The following LYPD8 variants were observed in gnomAD, a reference collection of about 807,000 sequenced individuals.
LYPD8 encodes LY6/PLAUR domain containing 8.
LYPD8 carries 8 observed loss-of-function variants against 1.7 expected under a neutral mutation model. The observed-to-expected ratio is 4.58, with a 90% CI of 2.69 to 8.27. The LOEUF (loss-of-function observed/expected upper bound fraction) is 8.27. Among genes scored for constraint, LYPD8 ranks in the 30% most tolerant of loss-of-function variants. LYPD8 has a pLI of 0.00. For missense variants in LYPD8, 112 were observed against 102.3 expected (o/e 1.09, Z -0.41); for synonymous variants, 50 against 43.6 (o/e 1.15, Z -0.58).
chr1:248,741,605 C>A (rs1452240186), intron 6 of LYPD8, among the ~76,000 whole-genome samples: 1 of 152,164 alleles, frequency 6.6e-6, no homozygotes, highest in African/African-American at 2.4e-5. Context: ...CAAAAATACC[C>A]CTACATTTAT....
chr1:248,748,506 G>A (rs1174444502), intron 4 of LYPD8, 53 bp from the exon 5 acceptor site: 3 of 399,944 alleles, frequency 7.5e-6, no homozygotes, highest in Non-Finnish European at 1.3e-5. Context: ...GAGGTGTGGG[G>A]AGGGTGGAGA....
intron 2 of LYPD8, among the ~76,000 whole-genome samples, chr1:248,754,135 C>T (rs994168302): frequency 1.3e-5 from 2 of 149,410 alleles, no homozygotes; most frequent in African/African-American, 4.9e-5. Context: ...CCACACCACA[C>T]ACACTTCACA....
At chr1:248,744,445 A>G (rs1553283943) in intron 6 of LYPD8, among the ~76,000 whole-genome samples, 1 of 152,288 alleles carries the variant, frequency 6.6e-6, no homozygotes, top group Non-Finnish European at 1.5e-5. Context: ...ATTAACCTTT[A>G]ACTGTTTGGG....
At position 248,754,279 on chromosome 1, in the gene LYPD8, C is replaced by T. The variant is rs1035274127; in HGVS notation, c.-50+960G>A. Among the ~76,000 whole-genome samples, 5 of 151,646 alleles carry T rather than the reference C, an allele frequency of 3.3e-5. No individual in the cohort carries two copies. The Middle Eastern group carries it at 0.01, about 314-fold the overall frequency. ...TAAGTCACACACATCACACACACAA[C>T]ACACCATGCGCTAAATACATCACAC... is the stretch of plus-strand genomic sequence containing the variant. On this transcript the variant is annotated intron_variant, in intron 2 of 6. Coordinates refer to ENST00000590317, the MANE Select transcript of LYPD8 (RefSeq NM_001085474.2).
chr1:248,739,596 T>G lies in LYPD8; in HGVS notation c.*15A>C. On this transcript the variant is annotated 3_prime_UTR_variant, in exon 7 of 7. Transcript: ENST00000590317. This position sits in a 1 kb window ranked among gnomAD's most constrained non-coding sequence, Gnocchi z 4.3. ...AGCAGAAATGGGGTGCTGGGCAAAG[T>G]GCAGCCCCAGGACCTCAGGGCAGCA... The G allele has an allele frequency of 6.4e-7, 1 of 1,550,684 alleles. No homozygotes were observed. The highest frequency in any genetic ancestry group is 8.7e-7 in the Non-Finnish European group (1 of 1,146,974).
intron 6 of LYPD8, among the ~76,000 whole-genome samples, chr1:248,740,239 G>C (rs764783935): frequency 2.0e-5 from 3 of 152,226 alleles, no homozygotes; most frequent in Non-Finnish European, 2.9e-5. Context: ...CTCAGTTCAG[G>C]AAGGGGCCAG....
chr1:248,753,845 CAT>C (rs1400189519), intron 2 of LYPD8, among the ~76,000 whole-genome samples: 1 of 148,836 alleles, frequency 6.7e-6, no homozygotes, highest in Non-Finnish European at 1.5e-5. Flanking sequence ...GTCACACACA[CAT>C]CACATGACAC....
rs1205056071 is a variant in LYPD8, at chr1:248,748,531, T to C, written c.173-78A>G. On this transcript the variant is annotated intron_variant, in intron 4 of 6. Coordinates refer to ENST00000590317, the MANE Select transcript of LYPD8 (RefSeq NM_001085474.2). ...GAGGGTGGAGACCCAGAATAGCAAC[T>C]GTTTCAGGCAAAGGCAGAAAATGCA... 7.5e-6 allele frequency: 3 copies of C among 398,354 alleles called. No homozygotes were observed. In the East Asian group the frequency reaches 1.1e-4, roughly 14 times the overall value. The allele number at this position is 398,354 out of a possible 1,614,324, so 24.7% of individuals were successfully genotyped here.
intron 2 of LYPD8, among the ~76,000 whole-genome samples, chr1:248,752,241 A>G (rs1460106583): frequency 6.6e-6 from 1 of 151,942 alleles, no homozygotes; most frequent in East Asian, 1.9e-4. Flanking sequence ...CACTTCCATC[A>G]TTGCGGAGAG....
rs1572150718 is a variant in LYPD8 at position 248,739,485 on chromosome 1, G to A, written c.*126C>T. 7.5e-7 allele frequency: 1 copy of A among 1,325,720 alleles called. No individual in the cohort carries two copies. Among genetic ancestry groups the A allele is most frequent in the East Asian group, 2.5e-5 (1 of 39,668 alleles). The allele number at this position is 1,325,720 out of a possible 1,614,324, so 82.1% of individuals were successfully genotyped here. ...AGCTGTCGGCATTGCCTGGAGACCT[G>A]TGACTCCCACTTACTGGGCAGTTAA... On this transcript the variant is annotated 3_prime_UTR_variant, in exon 7 of 7. Transcript: ENST00000590317. This position sits in a 1 kb window ranked among gnomAD's most constrained non-coding sequence, Gnocchi z 4.3.
chr1:248,752,197 G>A (rs1264517262), intron 2 of LYPD8, among the ~76,000 whole-genome samples: 3 of 152,156 alleles, frequency 2.0e-5, no homozygotes, highest in East Asian at 1.9e-4. Flanking sequence ...ACATGTGGCT[G>A]TTGGCTGCTG....
At chr1:248,743,828 A>G (rs1662670244) in intron 6 of LYPD8, among the ~76,000 whole-genome samples, 1 of 152,232 alleles carries the variant, frequency 6.6e-6, no homozygotes, top group African/African-American at 2.4e-5. Context: ...CAAAGGATAC[A>G]GCACAGAGCT....
At chr1:248,755,451 A>G (rs2103176181) in intron 1 of LYPD8, 65 bp from the exon 2 acceptor site, 1 of 152,526 alleles carries the variant, frequency 6.6e-6, no homozygotes, top group African/African-American at 2.4e-5. Context: ...CAGAACACGC[A>G]CACACTACAC....
At position 248,739,648 on chromosome 1, in the gene LYPD8, G is replaced by C; in HGVS notation, c.677C>G (p.Ala226Gly). The C allele has an allele frequency of 1.3e-6, 2 of 1,551,750 alleles. No individual in the cohort carries two copies. The highest frequency in any genetic ancestry group is 1.7e-6 in the Non-Finnish European group (2 of 1,147,006). ...VGSKASLYLL[A>G]LASLLLRGLL... Reference sequence around the variant, plus strand: ...TCCCCGAAGAAGGAGGCTGGCAAGGGCCAAGAGGTAGAGGGAAGCTTTGGA... The same window carrying C: ...TCCCCGAAGAAGGAGGCTGGCAAGGCCCAAGAGGTAGAGGGAAGCTTTGGA... The change falls in exon 7 of 7, where the codon GCC becomes GGC. Residue 226 changes from alanine (A) to glycine (G), a missense_variant. By Grantham distance (60) the Ala-to-Gly change is moderately conservative (BLOSUM62 0). Transcript: ENST00000590317. This position sits in a 1 kb window ranked among gnomAD's most constrained non-coding sequence, Gnocchi z 4.3.
At chr1:248,744,200 G>A (rs191572681) in intron 6 of LYPD8, among the ~76,000 whole-genome samples, 80 of 152,352 alleles carry the variant, frequency 5.3e-4, no homozygotes, top group Non-Finnish European at 1.0e-3. Context: ...GCATAGTGAA[G>A]TGCTGGTTTT....
At chr1:248,754,705 G>C (rs918169622) in intron 2 of LYPD8, among the ~76,000 whole-genome samples, 1 of 152,120 alleles carries the variant, frequency 6.6e-6, no homozygotes, top group African/African-American at 2.4e-5. Flanking sequence ...GAAACCAGTC[G>C]GTCTGGGAGA....
In LYPD8 at chr1:248,750,556, C is replaced by T; in HGVS notation, c.140G>A (p.Ser47Asn). Residue 47 changes from serine to asparagine, a missense_variant, in exon 4 of 7, where the codon AGC (serine) becomes AAC (asparagine). Ser to Asn is a conservative substitution (Grantham distance 46). Coordinates refer to ENST00000590317, the MANE Select transcript of LYPD8 (RefSeq NM_001085474.2). ...GGAGCTGGCTGAGGAGCTGATACAG[C>T]TGGTGTTGGCATGTGAGGGACATTC... ...ASECPSHANT[S>N]CISSSASSSL... The T allele has an allele frequency of 2.5e-6, 1 of 398,668 alleles. No homozygotes were observed. 24.7% of individuals were successfully genotyped at this position (398,668 alleles called of 1,614,324 possible).
At chr1:248,750,247 C>G (rs1307710800) in intron 4 of LYPD8, among the ~76,000 whole-genome samples, 1 of 152,138 alleles carries the variant, frequency 6.6e-6, no homozygotes, top group Non-Finnish European at 1.5e-5. Flanking sequence ...GTCCTTGCTT[C>G]TCACATCCAC....
At chr1:248,752,540 CACACAA>C (rs1474770508) in intron 2 of LYPD8, among the ~76,000 whole-genome samples, 5 of 143,044 alleles carry the variant, frequency 3.5e-5, no homozygotes, top group African/African-American at 7.7e-5. Context: ...CACACCACAC[CACACAA>C]ACACAAACAC....
Sources: allele counts gnomAD v4.1 joint callset (sites outside exome capture counted in the v4.1 genomes callset), GRCh38; gene constraint gnomAD v4.1.1; non-coding constraint Gnocchi (gnomAD v3.1); transcripts MANE v1.5; gene names NCBI Gene and HGNC (gene_info 2026-07-23, HGNC 2026-07-21).